RNF222: variants seen among roughly 807,000 people sequenced by gnomAD.
RNF222 encodes the protein ring finger protein 222, also known as RING finger protein LOC643904.
A neutral mutation model predicts 10.8 loss-of-function variants in RNF222; 14 were observed. The ratio of observed to expected loss-of-function variants is 1.30; its 90% CI spans 0.86 to 2.03. The LOEUF is 2.03. RNF222 is among the 30% of genes most tolerant of loss of function. The pLI is 0.00. For synonymous variants in RNF222, 141 were observed against 142.5 expected, an observed-to-expected ratio of 0.99 and a Z score of 0.07; for missense variants, 298 against 295.8, an observed-to-expected ratio of 1.01 and a Z score of -0.06.
Position 8,393,126 on chromosome 17 carries a change from G to A in RNF222, c.336C>T (p.Ser112=), listed in dbSNP as rs1399200839. The part of the protein sequence containing the change: ...SLGHTNPLAA[S]SPAWRPPPGQ... ...CTGGAGGTGGCCTCCAGGCAGGGGA[G>A]GAGGCGGCCAGGGGGTTTGTGTGGC... The change falls in exon 3 of 3, where the codon TCC becomes TCT. Residue 112 remains serine (S), a synonymous_variant. Coordinates refer to ENST00000399398, the MANE Select transcript of RNF222 (RefSeq NM_001146684.3). 4 of 1,534,596 alleles carry A rather than the reference G, an allele frequency of 2.6e-6. No homozygotes were observed. In the African/African-American group the frequency reaches 5.5e-5, roughly 21 times the overall value.
At chr17:8,396,293 C>T (rs1908035038) in intron 1 of RNF222, among the ~76,000 whole-genome samples, 1 of 152,132 alleles carries the variant, frequency 6.6e-6, no homozygotes, top group African/African-American at 2.4e-5. Context: ...AGGGAGTTAA[C>T]CGAGACAGAG....
At chr17:8,394,553 T>C (rs1033593520) in intron 1 of RNF222, among the ~76,000 whole-genome samples, 4 of 151,778 alleles carry the variant, frequency 2.6e-5, no homozygotes, top group Non-Finnish European at 5.9e-5. Context: ...TTCTCCTGTC[T>C]CAGCCTCCCA....
At chr17:8,397,270 C>T (rs373135057) in intron 1 of RNF222, among the ~76,000 whole-genome samples, 1 of 152,256 alleles carries the variant, frequency 6.6e-6, no homozygotes, top group East Asian at 1.9e-4. Context: ...TTTAGAGTGA[C>T]CCTAAACAAG....
At chr17:8,396,328 T>C (rs1254879684) in intron 1 of RNF222, among the ~76,000 whole-genome samples, 2 of 151,894 alleles carry the variant, frequency 1.3e-5, no homozygotes, top group Non-Finnish European at 2.9e-5. Context: ...GGTAGAACAT[T>C]GTTAGAATCA....
Position 8,393,180 on chromosome 17 carries a change from C to T in RNF222, c.282G>A (p.Leu94=). 3.9e-6 allele frequency: 6 copies of T among 1,550,356 alleles called. No individual in the cohort carries two copies. Among genetic ancestry groups the T allele is most frequent in the Non-Finnish European group, 5.2e-6 (6 of 1,146,856 alleles). The change falls in exon 3 of 3, where the codon CTG becomes CTA. Residue 94 remains leucine (L), a synonymous_variant. Coordinates refer to ENST00000399398, the MANE Select transcript of RNF222 (RefSeq NM_001146684.3). Reference sequence around the variant, plus strand: ...GGCTGTCCAGTGGGGGCACGGAGGGCAGGCCCACGGGCACAGCCAGCGTCT... The same window carrying T: ...GGCTGTCCAGTGGGGGCACGGAGGGTAGGCCCACGGGCACAGCCAGCGTCT... ...SSQTLAVPVG[L]PSVPPLDSLG... is the part of the protein sequence containing the mutation.
At chr17:8,393,577 T>G in intron 2 of RNF222, 91 bp from the exon 3 acceptor site, 2 of 1,429,938 alleles carry the variant, frequency 1.4e-6, no homozygotes, top group Non-Finnish European at 1.8e-6. Flanking sequence ...CCACTGCCCC[T>G]TATCCCCTCT....
Position 8,392,724 on chromosome 17 carries a change from T to C in RNF222, c.*75A>G. 1 of 1,484,836 alleles carries C rather than the reference T, an allele frequency of 6.7e-7. No homozygotes were observed. The highest frequency in any genetic ancestry group is 8.9e-7 in the Non-Finnish European group (1 of 1,123,066). The allele number at this position is 1,484,836 out of a possible 1,614,324, so 92.0% of individuals were successfully genotyped here. A position where few individuals can be genotyped will look rare whatever the true frequency, so the allele number is the denominator to read the frequency against. On this transcript the variant is annotated 3_prime_UTR_variant, in exon 3 of 3. Coordinates refer to ENST00000399398, the MANE Select transcript of RNF222 (RefSeq NM_001146684.3). The surrounding 1 kb of genome is among the most constrained non-coding windows in gnomAD (Gnocchi z 4.3). ...TGCCCGCGTGCCCCTCGGAGCTTGGTGGCACCAGGGCTGCCGTGGGCCTCC... is the reference window on the plus strand; with the variant it reads ...TGCCCGCGTGCCCCTCGGAGCTTGGCGGCACCAGGGCTGCCGTGGGCCTCC...
Position 8,393,051 on chromosome 17 carries a change from CA to C in RNF222, c.410del (p.Leu137ArgfsTer80). 1.3e-6 allele frequency: 2 copies of C among 1,498,162 alleles called. No individual in the cohort carries two copies. The highest frequency in any genetic ancestry group is 1.3e-5 in the South Asian group (1 of 76,398). The allele number at this position is 1,498,162 out of a possible 1,614,324, so 92.8% of individuals were successfully genotyped here. A position where few individuals can be genotyped will look rare whatever the true frequency, so the allele number is the denominator to read the frequency against. ...GSPGQSAQLPLDLLPSLPRES... is the reference protein window; with the variant it reads ...GSPGQSAQLPXDLLPSLPRES... ...CCCGGGGCAGGCTGGGCAGCAGGTC[CA>C]GGGGGAGCTGGGCGCTCTGGCCCGG... is the stretch of plus-strand genomic sequence containing the variant. On this transcript the variant is annotated frameshift_variant, in exon 3 of 3. Coordinates refer to ENST00000399398, the MANE Select transcript of RNF222 (RefSeq NM_001146684.3). LOFTEE classifies it high-confidence loss of function.
rs543334525 is a variant in RNF222, at chr17:8,393,303, C to T, written c.159G>A (p.Gly53=). Residue 53 remains glycine, a synonymous_variant, in exon 3 of 3, where the codon GGG becomes GGA. Transcript: ENST00000399398. ...VKYLLSTRVD[G]QVQRTLVCPI... is the part of the protein sequence containing the mutation. ...GGCAGACCAGGGTCCTCTGGACCTG[C>T]CCATCCACGCGGGTGGACAGCAGGT... The T allele has an allele frequency of 6.4e-7, 1 of 1,551,562 alleles. No individual in the cohort carries two copies. Among genetic ancestry groups the T allele is most frequent in the African/African-American group, 1.4e-5 (1 of 73,164 alleles).
chr17:8,393,573 C>G (rs1283906567), intron 2 of RNF222, 87 bp from the exon 3 acceptor site: 46 of 1,431,352 alleles, frequency 3.2e-5, no homozygotes, highest in Non-Finnish European at 4.2e-5. Context: ...GCCTCCACTG[C>G]CCCTTATCCC....
intron 1 of RNF222, among the ~76,000 whole-genome samples, chr17:8,395,553 CA>C (rs1908013360): frequency 6.6e-6 from 1 of 152,198 alleles, no homozygotes; most frequent in South Asian, 2.1e-4. Flanking sequence ...ACCCCTGTCA[CA>C]GCTCTTGAGG....
Position 8,393,358 on chromosome 17 carries a change from T to C in RNF222, c.104A>G (p.His35Arg), listed in dbSNP as rs1375187972. The stretch of plus-strand genomic sequence containing the variant: ...GACCAGGCAGTCATGGCAGAACACA[T>C]GGCCACAGCTCAGCGTCCGGCTGGC... ...EGASRTLSCG[H>R]VFCHDCLVKY... The change falls in exon 3 of 3, where the codon CAT (histidine) becomes CGT (arginine). Residue 35 changes from histidine to arginine, a missense_variant. Physicochemically the swap from His to Arg is conservative, Grantham distance 29. Transcript: ENST00000399398. 1 of 1,551,680 alleles carries C rather than the reference T, an allele frequency of 6.4e-7. No homozygotes were observed. The highest frequency in any genetic ancestry group is 8.7e-7 in the Non-Finnish European group (1 of 1,146,982).
At chr17:8,394,513 C>T (rs1907978680) in intron 1 of RNF222, among the ~76,000 whole-genome samples, 184 bp from the exon 2 acceptor site, 1 of 150,220 alleles carries the variant, frequency 6.7e-6, no homozygotes, top group Non-Finnish European at 1.5e-5. Flanking sequence ...CCTCAGCTCA[C>T]TGCAACTTCC....
In RNF222 at chr17:8,392,631, G is replaced by A. The variant is rs887426191; in HGVS notation, c.*168C>T. On this transcript the variant is annotated 3_prime_UTR_variant, in exon 3 of 3. Transcript: ENST00000399398. The surrounding 1 kb of genome is among the most constrained non-coding windows in gnomAD (Gnocchi z 4.3). ...TGGAGTCAGCTCCAGCCTCTCTGTCGAGCGGAAGCCCCTGCGGGGGTCGGG... is the reference window on the plus strand; with the variant it reads ...TGGAGTCAGCTCCAGCCTCTCTGTCAAGCGGAAGCCCCTGCGGGGGTCGGG... 6.1e-5 allele frequency: 48 copies of A among 786,958 alleles called. No individual in the cohort carries two copies. The highest frequency in any genetic ancestry group is 3.0e-5 in the Admixed American group (1 of 33,004). 48.7% of individuals were successfully genotyped at this position (786,958 alleles called of 1,614,324 possible).
Position 8,393,065 on chromosome 17 carries a change from C to T in RNF222, c.397G>A (p.Ala133Thr), listed in dbSNP as rs12601362. 0.24 allele frequency: 364,800 copies of T among 1,490,202 alleles called. 45,822 individuals carry two copies. The highest frequency in any genetic ancestry group is 0.26 in the Non-Finnish European group (292,736 of 1,124,562). 92.3% of individuals were successfully genotyped at this position (1,490,202 alleles called of 1,614,324 possible). A position where few individuals can be genotyped will look rare whatever the true frequency, so the allele number is the denominator to read the frequency against. ...GGCAGCAGGTCCAGGGGGAGCTGGG[C>T]GCTCTGGCCCGGGCTGCCTGGCGGC... ...ARPPGSPGQS[A>T]QLPLDLLPSL... The change falls in exon 3 of 3, where the codon GCC becomes ACC. Residue 133 changes from alanine to threonine, a missense_variant. Physicochemically the swap from Ala to Thr is moderately conservative, Grantham distance 58 (BLOSUM62 0). Transcript: ENST00000399398.
At chr17:8,395,749 T>C (rs989158295) in intron 1 of RNF222, among the ~76,000 whole-genome samples, 7 of 152,240 alleles carry the variant, frequency 4.6e-5, no homozygotes, top group African/African-American at 1.7e-4. Flanking sequence ...GTTATTCCAA[T>C]CTTTCTTGGT....
chr17:8,396,266 C>A (rs975229009), intron 1 of RNF222, among the ~76,000 whole-genome samples: 2 of 151,926 alleles, frequency 1.3e-5, no homozygotes, highest in Non-Finnish European at 2.9e-5. Context: ...CTGAGGTGAC[C>A]GGTGAAGGTG....
At position 8,393,250 on chromosome 17, in the gene RNF222, C is replaced by T. The variant is rs781568913; in HGVS notation, c.212G>A (p.Ser71Asn). The change falls in exon 3 of 3, where the codon AGC becomes AAC. Residue 71 changes from serine to asparagine, a missense_variant. Coordinates refer to ENST00000399398, the MANE Select transcript of RNF222 (RefSeq NM_001146684.3). The part of the protein sequence containing the change: ...CPICRYVTFL[S>N]KKSSRWPSML... ...GGAGGGCCAGCGGGAGCTCTTCTTGCTGAGGAATGTGACGTAGCGGCAGAT... is the reference window on the plus strand; with the variant it reads ...GGAGGGCCAGCGGGAGCTCTTCTTGTTGAGGAATGTGACGTAGCGGCAGAT... The T allele has an allele frequency of 3.9e-6, 6 of 1,551,226 alleles. No individual in the cohort carries two copies. The highest frequency in any genetic ancestry group is 5.2e-6 in the Non-Finnish European group (6 of 1,146,978).
chr17:8,395,267 G>T (rs1241335751), intron 1 of RNF222, among the ~76,000 whole-genome samples: 2 of 152,196 alleles, frequency 1.3e-5, no homozygotes, highest in Non-Finnish European at 1.5e-5. Flanking sequence ...GGTCAATGTG[G>T]CCCCCAGGAT....
Sources: gnomAD v4.1 joint callset for allele counts (sites outside exome capture counted in the v4.1 genomes callset) on GRCh38, gnomAD v4.1.1 for gene constraint, Gnocchi (gnomAD v3.1) non-coding constraint, MANE v1.5 for transcripts, NCBI Gene and HGNC (gene_info 2026-07-23, HGNC 2026-07-21) for gene names.